ATP2B2: variants seen among roughly 807,000 people sequenced by gnomAD.
ATP2B2 encodes ATPase plasma membrane Ca2+ transporting 2, also known as plasma membrane calcium-transporting ATPase 2.
In ATP2B2, 15 loss-of-function variants were observed where a neutral mutation model predicts 120.0. That is an observed-to-expected ratio of 0.12 (90% CI 0.08 to 0.19). The LOEUF (loss-of-function observed/expected upper bound fraction) is 0.19. Ranked by LOEUF, ATP2B2 falls within the 10% of genes least tolerant of loss-of-function variation. The probability of loss-of-function intolerance (pLI) is 1.00; values close to 1 mark genes in which losing one functional copy is unlikely to be tolerated. For missense variants in ATP2B2, 1,045 were observed against 1,719.8 expected, an observed-to-expected ratio of 0.61 and a Z score of 6.94; for synonymous variants, 694 against 700.3, an observed-to-expected ratio of 0.99 and a Z score of 0.14.
intron 1 of ATP2B2, among the ~76,000 whole-genome samples, chr3:10,459,869 T>C (rs2064414011): frequency 1.3e-5 from 2 of 152,248 alleles, no homozygotes; most frequent in Admixed American, 1.3e-4. Flanking sequence ...TAAGGTCTTA[T>C]GGTTAAGGGG....
chr3:10,627,020 C>G (rs1012867683), intron 1 of ATP2B2, among the ~76,000 whole-genome samples: 1 of 152,176 alleles, frequency 6.6e-6, no homozygotes, highest in Non-Finnish European at 1.5e-5. Flanking sequence ...TCCCCAGACT[C>G]GGATGAGTTG....
chr3:10,702,750 C>A (rs1489512459), intron 1 of ATP2B2, among the ~76,000 whole-genome samples: 1 of 152,156 alleles, frequency 6.6e-6, no homozygotes, highest in Non-Finnish European at 1.5e-5. Context: ...CAGAATCCTG[C>A]CTAGATGTTA....
chr3:10,366,360 T>G (rs1221368505), intron 12 of ATP2B2, among the ~76,000 whole-genome samples: 2 of 152,130 alleles, frequency 1.3e-5, no homozygotes, highest in Non-Finnish European at 2.9e-5. Context: ...CACCTCCATG[T>G]AGAATGGGGT....
chr3:10,405,456 G>C (rs2062377859), intron 3 of ATP2B2, among the ~76,000 whole-genome samples: 1 of 152,182 alleles, frequency 6.6e-6, no homozygotes, highest in Admixed American at 6.5e-5. Context: ...CGCTGGGGTA[G>C]GGATTCGGCC....
At chr3:10,628,649 T>C (rs2069776274) in intron 1 of ATP2B2, among the ~76,000 whole-genome samples, 1 of 152,224 alleles carries the variant, frequency 6.6e-6, no homozygotes, top group Admixed American at 6.5e-5. Flanking sequence ...GCCTTTACCA[T>C]AGTTGCTCCT....
At chr3:10,667,041 C>A (rs1168542213) in intron 1 of ATP2B2, among the ~76,000 whole-genome samples, 1 of 152,202 alleles carries the variant, frequency 6.6e-6, no homozygotes, top group Non-Finnish European at 1.5e-5. Context: ...GGGCTCAGAG[C>A]CTTGGATACC....
chr3:10,458,678 A>G (rs2064362186), intron 1 of ATP2B2, among the ~76,000 whole-genome samples: 1 of 151,386 alleles, frequency 6.6e-6, no homozygotes, highest in South Asian at 2.1e-4. Flanking sequence ...CTCAGTTTTG[A>G]TCTTGGTGTG....
intron 3 of ATP2B2, among the ~76,000 whole-genome samples, chr3:10,525,008 G>A (rs2067062650): frequency 6.6e-6 from 1 of 152,358 alleles, no homozygotes; most frequent in East Asian, 1.9e-4. Context: ...ACTGGCAGGA[G>A]TGGAACGGTG....
At chr3:10,668,250 G>A (rs1255428218) in intron 1 of ATP2B2, among the ~76,000 whole-genome samples, 1 of 152,206 alleles carries the variant, frequency 6.6e-6, no homozygotes, top group African/African-American at 2.4e-5. Flanking sequence ...AGGTCTCATT[G>A]TTGTCACCAT....
At chr3:10,360,512 C>T (rs1400034444) in intron 12 of ATP2B2, among the ~76,000 whole-genome samples, 8 of 152,170 alleles carry the variant, frequency 5.3e-5, no homozygotes, top group Admixed American at 5.2e-4. Context: ...CAAACCTCTC[C>T]CCATCTGCAT....
At chr3:10,562,794 A>G (rs751563008) in intron 2 of ATP2B2, among the ~76,000 whole-genome samples, 1 of 152,238 alleles carries the variant, frequency 6.6e-6, no homozygotes, top group East Asian at 1.9e-4. Context: ...ATGCCCATCA[A>G]TGGGGATTCG....
chr3:10,696,081 A>G (rs890134202), intron 1 of ATP2B2, among the ~76,000 whole-genome samples: 2 of 152,184 alleles, frequency 1.3e-5, no homozygotes, highest in African/African-American at 4.8e-5. Flanking sequence ...TGAGAAACCC[A>G]AAGTGGTGAA....
At chr3:10,655,820 C>T (rs1004681810) in intron 1 of ATP2B2, among the ~76,000 whole-genome samples, 12 of 152,200 alleles carry the variant, frequency 7.9e-5, no homozygotes, top group Admixed American at 7.9e-4. Flanking sequence ...GAGAAAACCT[C>T]CCTCATAATA....
At chr3:10,699,693 G>C (rs2071788936) in intron 1 of ATP2B2, among the ~76,000 whole-genome samples, 1 of 152,172 alleles carries the variant, frequency 6.6e-6, no homozygotes, top group African/African-American at 2.4e-5. Context: ...AGTGTTGAAA[G>C]GTGGGGCCTT....
intron 2 of ATP2B2, among the ~76,000 whole-genome samples, chr3:10,590,711 C>A (rs1336233411): frequency 6.6e-6 from 1 of 152,244 alleles, no homozygotes; most frequent in Non-Finnish European, 1.5e-5. Context: ...AAGGCACTCT[C>A]CCTGCCTAAT....
rs1305096554 is a variant in ATP2B2 at position 10,375,131 on chromosome 3, T to C, written c.1416+299A>G. 6.6e-6 allele frequency among the ~76,000 whole-genome samples: 1 copy of C among 152,206 alleles called. No homozygotes were observed. The highest frequency in any genetic ancestry group is 2.4e-5 in the African/African-American group (1 of 41,464). ...ATTAAGTCCAGATTTCTGGCTTCTC[T>C]TGGAAAAAGGTGACAATGTGGCAAT... On this transcript the variant is annotated intron_variant, in intron 11 of 22. Coordinates refer to ENST00000360273, the MANE Select transcript of ATP2B2 (RefSeq NM_001001331.4). The surrounding 1 kb of genome is among the most constrained non-coding windows in gnomAD (Gnocchi z 4.2).
At position 10,375,007 on chromosome 3, in the gene ATP2B2, G is replaced by T. The variant is rs1305917005; in HGVS notation, c.1416+423C>A. 6.6e-6 allele frequency among the ~76,000 whole-genome samples: 1 copy of T among 152,210 alleles called. No individual in the cohort carries two copies. Among genetic ancestry groups the T allele is most frequent in the Admixed American group, 6.5e-5 (1 of 15,282 alleles). On this transcript the variant is annotated intron_variant, in intron 11 of 22. Coordinates refer to ENST00000360273, the MANE Select transcript of ATP2B2 (RefSeq NM_001001331.4). This position sits in a 1 kb window ranked among gnomAD's most constrained non-coding sequence, Gnocchi z 4.2. ...ACCGCCAGACTTCTACGTAAATTTG[G>T]TGGGGTAAGGATGAATTCTGGCTTG...
intron 3 of ATP2B2, among the ~76,000 whole-genome samples, chr3:10,517,256 C>T (rs1293353740): frequency 6.6e-6 from 1 of 152,220 alleles, no homozygotes; most frequent in Non-Finnish European, 1.5e-5. Flanking sequence ...GGGCGGGGAA[C>T]CTGCAAGTGT....
chr3:10,446,468 C>T (rs1319291280), intron 2 of ATP2B2, among the ~76,000 whole-genome samples: 1 of 152,186 alleles, frequency 6.6e-6, no homozygotes. Context: ...TCCCCCAGCC[C>T]TGTGAGGTAG....
Sources: gnomAD v4.1 joint callset for allele counts (sites outside exome capture counted in the v4.1 genomes callset) on GRCh38, gnomAD v4.1.1 for gene constraint, Gnocchi (gnomAD v3.1) non-coding constraint, MANE v1.5 for transcripts, NCBI Gene and HGNC (gene_info 2026-07-23, HGNC 2026-07-21) for gene names.